FYB1: variants seen among roughly 807,000 people sequenced by gnomAD.
FYB1 encodes FYN-binding protein 1.
FYB1 carries 41 observed loss-of-function variants against 94.1 expected under a neutral mutation model. The observed-to-expected ratio is 0.44, with a 90% CI of 0.34 to 0.57. The LOEUF (loss-of-function observed/expected upper bound fraction) is 0.57. Ranked by LOEUF, FYB1 falls within the 20% of genes least tolerant of loss-of-function variation. The pLI is 0.02. For synonymous variants in FYB1, 367 were observed against 353.2 expected (o/e 1.04, Z -0.44); for missense variants, 1,050 against 976.8 (o/e 1.07, Z -1.00).
intron 1 of FYB1, among the ~76,000 whole-genome samples, chr5:39,246,508 C>CT: frequency 6.6e-6 from 1 of 152,140 alleles, no homozygotes; most frequent in East Asian, 1.9e-4. Context: ...TCTATCACAA[C>CT]TTTTTCCCAG....
chr5:39,202,343 G>A lies in FYB1; in HGVS notation c.618C>T (p.Thr206=), dbSNP rs376966135. 9.7e-5 allele frequency: 156 copies of A among 1,613,882 alleles called. No homozygotes were observed. The highest frequency in any genetic ancestry group is 8.1e-4 in the African/African-American group (61 of 74,986). ...GGCTTTCGTCTTCATGGGAGTTCTC[G>A]GTACTTAGGGGCGGCTTCTGGCCAA... is the stretch of plus-strand genomic sequence containing the variant. ...PAFGQKPPLS[T]ENSHEDESPM... The change falls in exon 2 of 19, where the codon ACC becomes ACT. Residue 206 remains threonine (T), a synonymous_variant. Coordinates refer to ENST00000512982, the MANE Select transcript of FYB1 (RefSeq NM_001465.6).
chr5:39,190,694 C>A (rs182201558), intron 2 of FYB1, among the ~76,000 whole-genome samples: 27 of 152,222 alleles, frequency 1.8e-4, no homozygotes, highest in Admixed American at 1.6e-3. Context: ...GAAATGCATT[C>A]TAAAGGCTTG....
chr5:39,188,137 C>T (rs990973782), intron 2 of FYB1, among the ~76,000 whole-genome samples: 3 of 152,106 alleles, frequency 2.0e-5, no homozygotes, highest in Admixed American at 6.6e-5. Context: ...CCCGATATCC[C>T]TCAGGAACCC....
In FYB1 at chr5:39,215,897, A is replaced by G. The variant is rs139773346; in HGVS notation, c.-28+3546T>C. Among the ~76,000 whole-genome samples, 770 of 152,358 alleles carry G rather than the reference A, an allele frequency of 5.1e-3. 7 individuals are homozygous for G. The highest frequency in any genetic ancestry group is 0.034 in the Middle Eastern group (10 of 294). On this transcript the variant is annotated intron_variant, in intron 1 of 18. Transcript: ENST00000512982. ...TAATTAAGGATCATGCAACGGAATC[A>G]TTCTGGGTTATGTAGGTAGCACTAC...
At chr5:39,122,644 T>C (rs1050033330) in intron 13 of FYB1, among the ~76,000 whole-genome samples, 3 of 152,116 alleles carry the variant, frequency 2.0e-5, no homozygotes, top group Non-Finnish European at 4.4e-5. Flanking sequence ...CATCGTTATC[T>C]GGAAAAAAAC....
chr5:39,135,093 T>A, intron 7 of FYB1, 79 bp from the exon 8 acceptor site: 1 of 1,482,174 alleles, frequency 6.7e-7, no homozygotes, highest in Non-Finnish European at 9.2e-7. Context: ...TTGAAAGATA[T>A]AAGTCTACAA....
intron 1 of FYB1, chr5:39,270,525 C>T (rs1324369418): frequency 1.3e-6 from 2 of 1,519,532 alleles, no homozygotes; most frequent in African/African-American, 1.4e-5. Context: ...AAGAGTAGCA[C>T]ATTTGCCAGG....
upstream of FYB1, among the ~76,000 whole-genome samples, chr5:39,223,082 G>A (rs1362729192): frequency 6.6e-6 from 1 of 151,454 alleles, no homozygotes; most frequent in Non-Finnish European, 1.5e-5. Context: ...TAACACACCT[G>A]CACATCCTGC....
intron 4 of FYB1, 74 bp from the exon 5 acceptor site, chr5:39,139,326 A>T: frequency 8.4e-7 from 1 of 1,195,720 alleles, no homozygotes; most frequent in Admixed American, 2.9e-5. Flanking sequence ...ATTGGATATG[A>T]TATAATAATA....
intron 3 of FYB1, among the ~76,000 whole-genome samples, chr5:39,148,296 C>CTGGGATTAT (rs1185877243): frequency 7.5e-6 from 1 of 133,672 alleles, no homozygotes; most frequent in Non-Finnish European, 1.6e-5. Context: ...TCCCAAAGTG[C>CTGGGATTAT]TGGGATTATA....
intron 2 of FYB1, among the ~76,000 whole-genome samples, chr5:39,173,183 T>C (rs1357926119): frequency 6.6e-6 from 1 of 152,200 alleles, no homozygotes; most frequent in African/African-American, 2.4e-5. Context: ...GGTTTTGATT[T>C]GCATTTCTTT....
At chr5:39,212,102 T>C (rs1408420291) in intron 1 of FYB1, among the ~76,000 whole-genome samples, 1 of 152,112 alleles carries the variant, frequency 6.6e-6, no homozygotes, top group Non-Finnish European at 1.5e-5. Context: ...GGCCAGGTGA[T>C]TGAGGCTAGC....
rs538508812 is a variant in FYB1 at position 39,148,381 on chromosome 5, G to GTTTTTTTTTTTT, written c.1292+5055_1292+5066dup. Among the ~76,000 whole-genome samples the GTTTTTTTTTTTT allele has an allele frequency of 1.3e-4, 5 of 38,172 alleles. 2 individuals carry two copies. Among genetic ancestry groups the GTTTTTTTTTTTT allele is most frequent in the African/African-American group, 3.7e-4 (5 of 13,494 alleles). 25.0% of individuals were successfully genotyped at this position (38,172 alleles called of 152,430 possible). ...GCATTTAGCTTTTAATTATCAGCAG[G>GTTTTTTTTTTTT]TTTTTTTTTTTTTTTTTTTTTTTTT... On this transcript the variant is annotated intron_variant, in intron 3 of 18. Coordinates refer to ENST00000512982, the MANE Select transcript of FYB1 (RefSeq NM_001465.6).
At chr5:39,160,426 A>T (rs892412394) in intron 2 of FYB1, among the ~76,000 whole-genome samples, 1 of 152,368 alleles carries the variant, frequency 6.6e-6, no homozygotes, top group Admixed American at 6.5e-5. Context: ...ATCTTAGAAT[A>T]GTCTAAGAAT....
At position 39,241,032 on chromosome 5, in the gene FYB1, C is replaced by T. The variant is rs148557026; in HGVS notation, c.-28+33371G>A. Among the ~76,000 whole-genome samples, 1,428 of 152,254 alleles carry T rather than the reference C, an allele frequency of 9.4e-3. 23 individuals are homozygous for T. Among genetic ancestry groups the T allele is most frequent in the African/African-American group, 0.032 (1,340 of 41,534 alleles). On this transcript the variant is annotated intron_variant, in intron 1 of 1. Transcript: ENST00000510188. The stretch of plus-strand genomic sequence containing the variant: ...GTCCTCTGGAGCAACTTGGATGGAG[C>T]TGGAGGTTATAATCCTAAGTGAACT...
chr5:39,250,101 A>T (rs570999060), intron 1 of FYB1, among the ~76,000 whole-genome samples: 1 of 152,114 alleles, frequency 6.6e-6, no homozygotes, highest in South Asian at 2.1e-4. Context: ...TTTTACCATG[A>T]TTGTAAATTT....
intron 1 of FYB1, among the ~76,000 whole-genome samples, chr5:39,236,807 T>G (rs373639860): frequency 6.6e-6 from 1 of 152,130 alleles, no homozygotes; most frequent in Non-Finnish European, 1.5e-5. Context: ...TTTTTATCCT[T>G]GGCCAAATTG....
chr5:39,151,755 T>G (rs1044447342), intron 3 of FYB1, among the ~76,000 whole-genome samples: 3 of 152,064 alleles, frequency 2.0e-5, no homozygotes, highest in African/African-American at 7.2e-5. Flanking sequence ...GACTTGAGAG[T>G]GGTCTTTGAT....
At position 39,119,040 on chromosome 5, in the gene FYB1, A is replaced by G. The variant is rs746309552; in HGVS notation, c.2239-4T>C. The G allele has an allele frequency of 1.5e-5, 19 of 1,241,720 alleles. No homozygotes were observed. Among genetic ancestry groups the G allele is most frequent in the Non-Finnish European group, 1.9e-5 (18 of 926,272 alleles). 76.9% of individuals were successfully genotyped at this position (1,241,720 alleles called of 1,614,324 possible). A position where few individuals can be genotyped will look rare whatever the true frequency, so the allele number is the denominator to read the frequency against. On this transcript the variant is annotated splice_polypyrimidine_tract_variant and splice_region_variant and intron_variant, in intron 15 of 18. Transcript: ENST00000512982. ...GGACTCTAATTTCACCATCATACTA[A>G]AAAAAAAAGAACAATATTTAAATTA...
Sources: gnomAD v4.1 joint callset for allele counts (sites outside exome capture counted in the v4.1 genomes callset) on GRCh38, gnomAD v4.1.1 for gene constraint, MANE v1.5 for transcripts, NCBI Gene and HGNC (gene_info 2026-07-23, HGNC 2026-07-21) for gene names.